TRPM6: variants seen among roughly 807,000 people sequenced by gnomAD.
TRPM6 encodes transient receptor potential cation channel subfamily M member 6.
A neutral mutation model predicts 247.6 loss-of-function variants in TRPM6; 111 were observed. That is an observed-to-expected ratio of 0.45 (90% CI 0.38 to 0.52). The LOEUF is 0.52. Ranked by LOEUF, TRPM6 falls within the 20% of genes least tolerant of loss-of-function variation. The pLI, the probability that TRPM6 is intolerant of heterozygous loss-of-function variation, is 0.00. For missense variants in TRPM6, 2,126 were observed against 2,421.5 expected (o/e 0.88, Z 2.56); for synonymous variants, 892 against 853.8 (o/e 1.04, Z -0.78).
chr9:74,852,766 T>G (rs1254233926), intron 3 of TRPM6, among the ~76,000 whole-genome samples: 1 of 152,216 alleles, frequency 6.6e-6, no homozygotes, highest in African/African-American at 2.4e-5. Flanking sequence ...GTGCCGGGAT[T>G]GCAGACGGAG....
At chr9:74,793,813 C>T (rs1186967596) in intron 18 of TRPM6, among the ~76,000 whole-genome samples, 1 of 151,894 alleles carries the variant, frequency 6.6e-6, no homozygotes, top group Admixed American at 6.6e-5. Flanking sequence ...TTGTGTTGTA[C>T]ATGCATTTTT....
At chr9:74,782,215 A>C in intron 23 of TRPM6, 147 bp downstream of exon 23, 1 of 620,066 alleles carries the variant, frequency 1.6e-6, no homozygotes, top group Non-Finnish European at 2.9e-6. Context: ...TCTTATCAGT[A>C]GTTTTATGTG....
chr9:74,809,246 T>C (rs1254324925), intron 13 of TRPM6, among the ~76,000 whole-genome samples: 1 of 152,228 alleles, frequency 6.6e-6, no homozygotes, highest in African/African-American at 2.4e-5. Flanking sequence ...GAGTGGTAGA[T>C]TTCCAAGTAT....
chr9:74,766,220 G>T (rs1265185980), intron 25 of TRPM6, among the ~76,000 whole-genome samples: 1 of 152,160 alleles, frequency 6.6e-6, no homozygotes, highest in African/African-American at 2.4e-5. Flanking sequence ...GACAAACAAC[G>T]TGGTCACCCT....
intron 23 of TRPM6, among the ~76,000 whole-genome samples, chr9:74,779,405 T>C (rs1243172879): frequency 6.6e-6 from 1 of 152,220 alleles, no homozygotes; most frequent in Non-Finnish European, 1.5e-5. Flanking sequence ...ATGATGACTA[T>C]CATATAACCA....
intron 3 of TRPM6, among the ~76,000 whole-genome samples, chr9:74,852,031 G>T (rs1000370075): frequency 6.6e-6 from 1 of 151,870 alleles, no homozygotes; most frequent in African/African-American, 2.4e-5. Flanking sequence ...AGCTACTCAG[G>T]AGGCTGAAGA....
intron 18 of TRPM6, among the ~76,000 whole-genome samples, chr9:74,795,163 C>T (rs924723031): frequency 6.6e-5 from 10 of 152,150 alleles, no homozygotes; most frequent in African/African-American, 1.9e-4. Context: ...TTCCTCTCCA[C>T]GTCCATTGCT....
At position 74,820,292 on chromosome 9, in the gene TRPM6, C is replaced by T. The variant is rs371872633; in HGVS notation, c.1134+12G>A. 9.3e-6 allele frequency: 15 copies of T among 1,613,474 alleles called. No individual in the cohort carries two copies. The African/African-American group carries it at 1.1e-4, about 11-fold the overall frequency. ...TCTTAAGTCAGTTGAATCATCAACT[C>T]GTCATACTCACACAATCCCTGTGAA... On this transcript the variant is annotated intron_variant, in intron 9 of 38. Coordinates refer to ENST00000360774, the MANE Select transcript of TRPM6 (RefSeq NM_017662.5).
At chr9:74,845,367 C>G (rs1830076807) in intron 3 of TRPM6, among the ~76,000 whole-genome samples, 1 of 133,836 alleles carries the variant, frequency 7.5e-6, no homozygotes, top group African/African-American at 2.9e-5. Context: ...TCTGAATATC[C>G]ACAAAGTGGA....
intron 3 of TRPM6, among the ~76,000 whole-genome samples, chr9:74,851,792 A>T (rs1010521303): frequency 7.2e-6 from 1 of 139,848 alleles, no homozygotes; most frequent in South Asian, 2.4e-4. Flanking sequence ...TATATATATA[A>T]TATATATATT....
chr9:74,739,934 G>A lies in TRPM6; in HGVS notation c.5276C>T (p.Ser1759Phe), dbSNP rs1348104721. 2 of 1,613,990 alleles carry A rather than the reference G, an allele frequency of 1.2e-6. No homozygotes were observed. The highest frequency in any genetic ancestry group is 1.3e-5 in the African/African-American group (1 of 74,896). ...GATCATTGCCGCTCTCCCACGCTGA[G>A]ACCAAGAGGACATGCTTTTATCAAG... Reference protein sequence around the residue: ...LNLDKSMSSWSQRGRAAMIQV... With the variant: ...LNLDKSMSSWFQRGRAAMIQV... Residue 1759 changes from serine to phenylalanine, a missense_variant, in exon 34 of 39, where the codon TCT (serine) becomes TTT (phenylalanine). Transcript: ENST00000360774.
rs554940591 is a variant in TRPM6 at position 74,845,154 on chromosome 9, G to A, written c.153-2811C>T. On this transcript the variant is annotated intron_variant, in intron 3 of 38. Coordinates refer to ENST00000360774, the MANE Select transcript of TRPM6 (RefSeq NM_017662.5). The stretch of plus-strand genomic sequence containing the variant: ...AAAATAAAAAAGTTTGAAATATTGC[G>A]AGAATTATTAAAATGTGATGCAGAG... 1.2e-3 allele frequency among the ~76,000 whole-genome samples: 182 copies of A among 152,258 alleles called. 1 individual carries two copies. Among genetic ancestry groups the A allele is most frequent in the African/African-American group, 3.9e-3 (160 of 41,540 alleles).
chr9:74,881,995 T>A (rs975651400), intron 1 of TRPM6, among the ~76,000 whole-genome samples: 1 of 152,152 alleles, frequency 6.6e-6, no homozygotes, highest in Non-Finnish European at 1.5e-5. Flanking sequence ...ACTGGATATT[T>A]ATATGCAGCA....
chr9:74,739,559 C>T (rs1450251135), intron 34 of TRPM6, 110 bp from the exon 35 acceptor site: 4 of 1,481,424 alleles, frequency 2.7e-6, no homozygotes, highest in Non-Finnish European at 9.4e-7. Context: ...TCAACTCCCA[C>T]CACTGCCTGC....
At chr9:74,878,227 C>T (rs534191317) in intron 1 of TRPM6, among the ~76,000 whole-genome samples, 320 of 152,276 alleles carry the variant, frequency 2.1e-3, no homozygotes, top group African/African-American at 7.4e-3. Context: ...TCACACCACA[C>T]CCACTGTCCA....
At chr9:74,779,287 GC>G (rs1827333383) in intron 23 of TRPM6, among the ~76,000 whole-genome samples, 1 of 151,936 alleles carries the variant, frequency 6.6e-6, no homozygotes, top group South Asian at 2.1e-4. Flanking sequence ...CTCTCCCCAT[GC>G]CCCCACAAAA....
chr9:74,852,583 A>G (rs970003446), intron 3 of TRPM6, among the ~76,000 whole-genome samples: 6 of 151,380 alleles, frequency 4.0e-5, no homozygotes, highest in African/African-American at 1.5e-4. Context: ...GCTCACTGCA[A>G]CCTCCCTGCC....
chr9:74,805,583 A>C (rs987264773), intron 14 of TRPM6, among the ~76,000 whole-genome samples: 3 of 152,202 alleles, frequency 2.0e-5, no homozygotes, highest in African/African-American at 7.2e-5. Flanking sequence ...GCTATCTGTG[A>C]ATGTGAATTT....
chr9:74,743,465 A>C (rs187187386), intron 32 of TRPM6, among the ~76,000 whole-genome samples: 30 of 152,362 alleles, frequency 2.0e-4, no homozygotes, highest in African/African-American at 7.2e-4. Flanking sequence ...GCACAAGTCC[A>C]GTTGGTTTTT....
Sources: gnomAD v4.1 joint callset for allele counts (sites outside exome capture counted in the v4.1 genomes callset) on GRCh38, gnomAD v4.1.1 for gene constraint, MANE v1.5 for transcripts, NCBI Gene and HGNC (gene_info 2026-07-23, HGNC 2026-07-21) for gene names.